DNER: variants seen among roughly 807,000 people sequenced by gnomAD.
DNER encodes delta and Notch-like epidermal growth factor-related receptor.
A neutral mutation model predicts 78.2 loss-of-function variants in DNER; 33 were observed. That is an observed-to-expected ratio of 0.42 (90% CI 0.32 to 0.56). The LOEUF is 0.56. DNER is among the 20% of genes least tolerant of loss of function. The probability of loss-of-function intolerance (pLI) is 0.11; values close to 1 mark genes in which losing one functional copy is unlikely to be tolerated. For missense variants in DNER, 918 were observed against 975.3 expected (o/e 0.94, Z 0.78); for synonymous variants, 417 against 384.8 (o/e 1.08, Z -0.98).
intron 4 of DNER, among the ~76,000 whole-genome samples, chr2:229,562,993 T>C (rs1458181846): frequency 1.3e-5 from 2 of 150,968 alleles, no homozygotes; most frequent in Non-Finnish European, 3.0e-5. Flanking sequence ...ATCAACATCA[T>C]CATCAACATC....
chr2:229,494,560 G>C (rs999857222), intron 6 of DNER, among the ~76,000 whole-genome samples: 12 of 152,204 alleles, frequency 7.9e-5, no homozygotes, highest in African/African-American at 2.9e-4. Context: ...GTGTGGCAGT[G>C]TCACCCCACA....
intron 1 of DNER, among the ~76,000 whole-genome samples, chr2:229,623,583 A>G (rs1698288109): frequency 6.6e-6 from 1 of 152,204 alleles, no homozygotes; most frequent in Non-Finnish European, 1.5e-5. Context: ...GAATCCTGGC[A>G]TTTGAGTTTC....
chr2:229,491,950 TACACACACAC>T (rs58442076), intron 6 of DNER, among the ~76,000 whole-genome samples: 20 of 149,684 alleles, frequency 1.3e-4, no homozygotes, highest in Non-Finnish European at 2.4e-4. Flanking sequence ...TTGCCATGAT[TACACACACAC>T]ACACACACAC....
intron 1 of DNER, among the ~76,000 whole-genome samples, chr2:229,705,709 T>C (rs1699816272): frequency 6.6e-6 from 1 of 152,214 alleles, no homozygotes; most frequent in South Asian, 2.1e-4. Context: ...TGGGGACTCA[T>C]ATTCACTTTT....
intron 4 of DNER, among the ~76,000 whole-genome samples, chr2:229,564,145 C>T (rs1574905282): frequency 6.8e-6 from 1 of 146,656 alleles, no homozygotes. Context: ...CACCCCATCA[C>T]CATCATCATC....
At chr2:229,709,583 T>G (rs917267854) in intron 1 of DNER, among the ~76,000 whole-genome samples, 5 of 152,174 alleles carry the variant, frequency 3.3e-5, no homozygotes, top group African/African-American at 1.2e-4. Context: ...AATAGGTTCC[T>G]CTGAAGCAGA....
At chr2:229,649,805 T>C (rs1698779727) in intron 1 of DNER, among the ~76,000 whole-genome samples, 1 of 152,222 alleles carries the variant, frequency 6.6e-6, no homozygotes, top group Non-Finnish European at 1.5e-5. Flanking sequence ...CCGGGTGCGG[T>C]GGCTCACGCC....
At chr2:229,687,232 G>A (rs896672427) in intron 1 of DNER, among the ~76,000 whole-genome samples, 4 of 149,326 alleles carry the variant, frequency 2.7e-5, no homozygotes, top group Non-Finnish European at 5.9e-5. Context: ...ATGTTTTGAT[G>A]AATATCTCTG....
intron 1 of DNER, among the ~76,000 whole-genome samples, chr2:229,626,283 G>A (rs1359387405): frequency 6.6e-6 from 1 of 152,176 alleles, no homozygotes; most frequent in African/African-American, 2.4e-5. Flanking sequence ...GGCTAAGGGG[G>A]AAATATTGAG....
chr2:229,503,712 T>G (rs1353535031), intron 6 of DNER, among the ~76,000 whole-genome samples: 2 of 152,112 alleles, frequency 1.3e-5, no homozygotes, highest in Non-Finnish European at 2.9e-5. Context: ...TGTGGGGGTA[T>G]CTTTTGAGTT....
At chr2:229,554,912 GAA>G (rs1696824496) in intron 4 of DNER, among the ~76,000 whole-genome samples, 1 of 62,312 alleles carries the variant, frequency 1.6e-5, no homozygotes, top group African/African-American at 6.1e-5. Flanking sequence ...GAAGAGAAGA[GAA>G]GAGAAGAGAA....
chr2:229,641,936 C>T (rs1365452946), intron 1 of DNER, among the ~76,000 whole-genome samples: 3 of 152,144 alleles, frequency 2.0e-5, no homozygotes, highest in South Asian at 2.1e-4. Context: ...CAACCTTCCA[C>T]ATTCCGAGAT....
At chr2:229,473,189 G>C (rs2894683) in intron 7 of DNER, among the ~76,000 whole-genome samples, 152,372 of 152,374 alleles carry the variant, frequency 1, 76,185 homozygotes, top group Non-Finnish European at 1. Context: ...GGAGGAATTG[G>C]TATAAAAGGA....
At chr2:229,429,411 G>A (rs1693957040) in intron 8 of DNER, among the ~76,000 whole-genome samples, 1 of 152,128 alleles carries the variant, frequency 6.6e-6, no homozygotes. Context: ...ATAAAAGGAG[G>A]AGTTTCTGCC....
intron 5 of DNER, among the ~76,000 whole-genome samples, chr2:229,535,998 A>G (rs913967593): frequency 4.6e-5 from 7 of 152,232 alleles, no homozygotes; most frequent in Non-Finnish European, 7.3e-5. Context: ...AGCAATTACC[A>G]TGAGACAAAC....
intron 6 of DNER, among the ~76,000 whole-genome samples, chr2:229,508,927 G>C (rs1695804715): frequency 6.7e-6 from 1 of 149,980 alleles, no homozygotes; most frequent in African/African-American, 2.5e-5. Context: ...AAAAGAAAAA[G>C]CAAACAAAGA....
chr2:229,368,790 C>G (rs1692409340), intron 11 of DNER, among the ~76,000 whole-genome samples: 1 of 152,200 alleles, frequency 6.6e-6, no homozygotes, highest in Non-Finnish European at 1.5e-5. Context: ...GTGAATGCCT[C>G]TGATACAAGT....
At chr2:229,522,899 T>G (rs1696129505) in intron 5 of DNER, among the ~76,000 whole-genome samples, 1 of 152,198 alleles carries the variant, frequency 6.6e-6, no homozygotes, top group East Asian at 1.9e-4. Flanking sequence ...AAAATAAGTG[T>G]GATTTTTCCA....
chr2:229,358,624 C>A lies in DNER; in HGVS notation c.2130G>T (p.Met710Ile). 1 of 1,613,864 alleles carries A rather than the reference C, an allele frequency of 6.2e-7. No homozygotes were observed. Among genetic ancestry groups the A allele is most frequent in the Non-Finnish European group, 8.5e-7 (1 of 1,179,892 alleles). The change falls in exon 13 of 13, where the codon ATG becomes ATT. Residue 710 changes from methionine (M) to isoleucine (I), a missense_variant. Transcript: ENST00000341772. ...CATAGGCGATGGGGCTCACATCATACATTGCAGGCCGGGATTTCTTTCCAA... is the reference window on the plus strand; with the variant it reads ...CATAGGCGATGGGGCTCACATCATAAATTGCAGGCCGGGATTTCTTTCCAA... ...ARFGKKSRPAMYDVSPIAYED... is the reference protein window; with the variant it reads ...ARFGKKSRPAIYDVSPIAYED...
Sources: gnomAD v4.1 joint callset for allele counts (sites outside exome capture counted in the v4.1 genomes callset) on GRCh38, gnomAD v4.1.1 for gene constraint, MANE v1.5 for transcripts, NCBI Gene and HGNC (gene_info 2026-07-23, HGNC 2026-07-21) for gene names.